Variants in PER3 observed in about 807,000 individuals in gnomAD.
PER3 encodes the protein period circadian regulator 3.
PER3 carries 107 observed loss-of-function variants against 127.2 expected under a neutral mutation model. That is an observed-to-expected ratio of 0.84 (90% CI 0.72 to 0.99). PER3 has a LOEUF of 0.99. Among genes scored for constraint, PER3 ranks in the 50% least tolerant of loss-of-function variants. PER3 has a pLI of 0.00. For missense variants in PER3, 1,560 were observed against 1,525.8 expected, an observed-to-expected ratio of 1.02 and a Z score of -0.37; for synonymous variants, 618 against 585.8, an observed-to-expected ratio of 1.05 and a Z score of -0.79.
chr1:7,814,614 A>G (rs979563998), intron 13 of PER3, among the ~76,000 whole-genome samples: 1 of 137,128 alleles, frequency 7.3e-6, no homozygotes, highest in Non-Finnish European at 1.6e-5. Context: ...ACCAGACCAA[A>G]AACTTGGATC....
At chr1:7,785,032 C>G (rs760988955) in intron 2 of PER3, 27 bp downstream of exon 2, 36 of 1,561,458 alleles carry the variant, frequency 2.3e-5, no homozygotes, top group Non-Finnish European at 3.1e-5. Context: ...AGGCCGAGGG[C>G]CCCATGCGTT....
intron 5 of PER3, among the ~76,000 whole-genome samples, chr1:7,792,719 G>A (rs2150527698): frequency 6.6e-6 from 1 of 152,316 alleles, no homozygotes; most frequent in African/African-American, 2.4e-5. Flanking sequence ...TCCTGTATTA[G>A]AATATGTTTC....
At chr1:7,794,535 AGAAAAATAATTCTTAACTCT>A (rs1558392840) in intron 6 of PER3, among the ~76,000 whole-genome samples, 1 of 152,162 alleles carries the variant, frequency 6.6e-6, no homozygotes, top group Non-Finnish European at 1.5e-5. Flanking sequence ...AAAAAAGTCT[AGAAAAATAATTCTTAACTCT>A]AGGAGTGTAT....
intron 1 of PER3, 37 bp downstream of exon 1, chr1:7,784,413 G>C (rs1251681111): frequency 6.6e-6 from 1 of 151,246 alleles, no homozygotes; most frequent in Non-Finnish European, 1.5e-5. Flanking sequence ...TGGGCGGCCG[G>C]GCGGGAGTTC....
chr1:7,803,597 C>T, intron 9 of PER3, 95 bp from the exon 10 acceptor site: 2 of 810,230 alleles, frequency 2.5e-6, no homozygotes, highest in East Asian at 5.4e-5. Flanking sequence ...CAAAAAAAAC[C>T]ACTAAAACAT....
intron 5 of PER3, 151 bp downstream of exon 5, chr1:7,788,397 G>T (rs2097102175): frequency 3.2e-6 from 2 of 617,172 alleles, no homozygotes; most frequent in South Asian, 4.1e-5. Context: ...GATGAAAACA[G>T]CATTTTAAAA....
chr1:7,808,270 A>C (rs2097204731), intron 10 of PER3, among the ~76,000 whole-genome samples: 1 of 149,006 alleles, frequency 6.7e-6, no homozygotes, highest in African/African-American at 2.5e-5. Context: ...CTAGTATAGT[A>C]CAGTGCCTGT....
chr1:7,785,122 AG>A, intron 2 of PER3, 117 bp downstream of exon 2: 1 of 1,133,264 alleles, frequency 8.8e-7, no homozygotes, highest in African/African-American at 1.6e-5. Flanking sequence ...GAAAGTGTAA[AG>A]GGGAGACTCG....
At chr1:7,836,902 T>C (rs1558484086) in intron 20 of PER3, 97 bp from the exon 21 acceptor site, 2 of 847,292 alleles carry the variant, frequency 2.4e-6, no homozygotes, top group Non-Finnish European at 3.8e-6. Context: ...AAATGTAAGG[T>C]GTATTACCAA....
chr1:7,816,373 A>C (rs1477409247), intron 13 of PER3, among the ~76,000 whole-genome samples: 1 of 152,202 alleles, frequency 6.6e-6, no homozygotes, highest in African/African-American at 2.4e-5. Context: ...GAGACTGATA[A>C]CTATGGCCAT....
rs142880968 is a variant in PER3, at chr1:7,801,136, A to C, written c.817A>C (p.Arg273=). 1.2e-4 allele frequency: 189 copies of C among 1,608,750 alleles called. No homozygotes were observed. The highest frequency in any genetic ancestry group is 1.6e-4 in the Non-Finnish European group (183 of 1,176,710). The change falls in exon 8 of 22, where the codon AGA becomes CGA. Residue 273 remains arginine (R), a synonymous_variant. Coordinates refer to ENST00000377532, the MANE Select transcript of PER3 (RefSeq NM_001377275.1). ...YEAPRIPVNK[R]IFTTTHTPGC... is the part of the protein sequence containing the mutation. ...AGCTCCTCGGATCCCAGTGAATAAAAGAATCTTCACCACCACACACACCCC... is the reference window on the plus strand; with the variant it reads ...AGCTCCTCGGATCCCAGTGAATAAACGAATCTTCACCACCACACACACCCC...
chr1:7,820,553 C>T lies in PER3; in HGVS notation c.1870C>T (p.Leu624=). The T allele has an allele frequency of 6.2e-7, 1 of 1,614,156 alleles. No homozygotes were observed. The highest frequency in any genetic ancestry group is 1.3e-5 in the African/African-American group (1 of 75,056). ...CACAGGAGGAGGAGCTCCACAGATC[C>T]TGTCCACGGCGATGCTGAGCTTGGG... ...IDTGGGAPQI[L]STAMLSLGSG... The change falls in exon 16 of 22, where the codon CTG becomes TTG. Residue 624 remains leucine (L), a synonymous_variant. Coordinates refer to ENST00000377532, the MANE Select transcript of PER3 (RefSeq NM_001377275.1).
chr1:7,800,950 A>G lies in PER3; in HGVS notation c.794-163A>G, dbSNP rs959529005. Among the ~76,000 whole-genome samples the G allele has an allele frequency of 2.4e-4, 37 of 152,318 alleles. 1 individual carries two copies. The highest frequency in any genetic ancestry group is 7.7e-4 in the African/African-American group (32 of 41,578). On this transcript the variant is annotated intron_variant, in intron 7 of 21. Transcript: ENST00000377532. ...AAATGTAGTTAGTAATGAAATTACT[A>G]TCATTTAACTGTAGCTTTGGCTGCT...
intron 7 of PER3, among the ~76,000 whole-genome samples, chr1:7,799,936 TTTTA>T (rs201853268): frequency 5.9e-5 from 9 of 151,840 alleles, no homozygotes; most frequent in East Asian, 5.8e-4. Context: ...GCCTGACTAA[TTTTA>T]TTTATTTATT....
chr1:7,785,659 GT>G (rs1172127022), intron 3 of PER3, 73 bp downstream of exon 3: 3 of 1,291,584 alleles, frequency 2.3e-6, no homozygotes, highest in African/African-American at 3.0e-5. Context: ...GGAGTGGTCA[GT>G]GGGGTCTCAG....
chr1:7,836,029 G>T, intron 20 of PER3, 84 bp downstream of exon 20: 1 of 908,870 alleles, frequency 1.1e-6, no homozygotes, highest in Non-Finnish European at 1.7e-6. Flanking sequence ...ACGGAGTCTC[G>T]CCCTGTCACC....
intron 13 of PER3, among the ~76,000 whole-genome samples, chr1:7,814,009 CA>C (rs2097234247): frequency 6.6e-6 from 1 of 152,132 alleles, no homozygotes; most frequent in South Asian, 2.1e-4. Context: ...AAGAAACCCT[CA>C]AATGGAAATG....
chr1:7,786,797 G>T lies in PER3; in HGVS notation c.351G>T (p.Glu117Asp). ...ATGTGAGCATGTACAGTCTTGAGGA[G>T]CTGGCCACTATCGCTTCAGAACACA... ...QADVSMYSLE[E>D]LATIASEHTS... The change falls in exon 4 of 22, where the codon GAG becomes GAT. Residue 117 changes from glutamate to aspartate, a missense_variant. By Grantham distance (45) the Glu-to-Asp change is conservative. Coordinates refer to ENST00000377532, the MANE Select transcript of PER3 (RefSeq NM_001377275.1). The T allele has an allele frequency of 6.2e-7, 1 of 1,610,246 alleles. No individual in the cohort carries two copies. Among genetic ancestry groups the T allele is most frequent in the Non-Finnish European group, 8.5e-7 (1 of 1,176,466 alleles).
At chr1:7,787,652 T>C (rs1166515196) in intron 4 of PER3, 1 of 315,436 alleles carries the variant, frequency 3.2e-6, no homozygotes, top group Non-Finnish European at 6.1e-6. Context: ...GCTTATGTAA[T>C]GAGGTTTGTC....
Sources: gnomAD v4.1 joint callset for allele counts (sites outside exome capture counted in the v4.1 genomes callset) on GRCh38, gnomAD v4.1.1 for gene constraint, MANE v1.5 for transcripts, NCBI Gene and HGNC (gene_info 2026-07-23, HGNC 2026-07-21) for gene names.